The following HENMT1 variants were observed in gnomAD, a reference collection of about 807,000 sequenced individuals.
HENMT1 encodes HEN methyltransferase 1.
Under a neutral mutation model 31.1 loss-of-function variants are expected in HENMT1, and 27 were observed. The observed-to-expected ratio is 0.87, with a 90% CI of 0.64 to 1.20. The LOEUF (loss-of-function observed/expected upper bound fraction) is 1.20. HENMT1 is among the 50% of genes most tolerant of loss of function. HENMT1 has a pLI of 0.00. For missense variants in HENMT1, 438 were observed against 469.6 expected, an observed-to-expected ratio of 0.93 and a Z score of 0.62; for synonymous variants, 167 against 172.2, an observed-to-expected ratio of 0.97 and a Z score of 0.24.
At position 108,648,754 on chromosome 1, in the gene HENMT1, G is replaced by C. The variant is rs776921703; in HGVS notation, c.994C>G (p.Pro332Ala). 2.5e-6 allele frequency: 4 copies of C among 1,614,208 alleles called. No homozygotes were observed. The highest frequency in any genetic ancestry group is 3.4e-6 in the Non-Finnish European group (4 of 1,180,046). The change falls in exon 8 of 8, where the codon CCC becomes GCC. Residue 332 changes from proline to alanine, a missense_variant. Transcript: ENST00000651461. ...AAAAATTTATCTCCAACACAGAAGGGTGTGGGAGAGTTCTCTATCTTGGCC... is the reference window on the plus strand; with the variant it reads ...AAAAATTTATCTCCAACACAGAAGGCTGTGGGAGAGTTCTCTATCTTGGCC... The part of the protein sequence containing the change: ...EKAKIENSPT[P>A]FCVGDKFFVP...
chr1:108,659,942 A>G lies in HENMT1; in HGVS notation c.-58T>C. On this transcript the variant is annotated 5_prime_UTR_variant, in exon 2 of 8. Coordinates refer to ENST00000651461, the MANE Select transcript of HENMT1 (RefSeq NM_001102592.2). ...AGATTTATCCTTCAAGCTCTATTTG[A>G]GAGAATCAGCACTGACTCAGCTGTA... 1.3e-6 allele frequency: 2 copies of G among 1,564,260 alleles called. No homozygotes were observed. The highest frequency in any genetic ancestry group is 1.9e-5 in the Admixed American group (1 of 51,448).
At position 108,649,003 on chromosome 1, in the gene HENMT1, A is replaced by T; in HGVS notation, c.757-12T>A. The T allele has an allele frequency of 6.4e-7, 1 of 1,556,992 alleles. No homozygotes were observed. Among genetic ancestry groups the T allele is most frequent in the Non-Finnish European group, 8.7e-7 (1 of 1,152,966 alleles). ...GAGGTGGTAAAAACCTGAAGGGAAA[A>T]AACAAAACACTTACAAGTGTATAAT... On this transcript the variant is annotated splice_polypyrimidine_tract_variant and intron_variant, in intron 7 of 7. Coordinates refer to ENST00000651461, the MANE Select transcript of HENMT1 (RefSeq NM_001102592.2).
At chr1:108,661,119 CGCTACCGCCGCG>C (rs1455950884), upstream of HENMT1, 2 of 498,214 alleles carry the variant, frequency 4.0e-6, no homozygotes, top group Middle Eastern at 1.0e-3. Context: ...CGCTGCGTGA[CGCTACCGCCGCG>C]GCTACGCCGG....
At position 108,661,083 on chromosome 1, in the gene HENMT1, C is replaced by T; in HGVS notation, c.-199G>A. ...CGCCAGCGTCCTCAACTCAGCGCCG[C>T]CCTGACGCCCGCGCACGCACGGCCT... On this transcript the variant is annotated 5_prime_UTR_variant, in exon 1 of 8. Coordinates refer to ENST00000651461, the MANE Select transcript of HENMT1 (RefSeq NM_001102592.2). 1 of 791,454 alleles carries T rather than the reference C, an allele frequency of 1.3e-6. No individual in the cohort carries two copies. The highest frequency in any genetic ancestry group is 1.5e-6 in the Non-Finnish European group (1 of 653,074). The allele number at this position is 791,454 out of a possible 1,614,324, so 49.0% of individuals were successfully genotyped here. A position where few individuals can be genotyped will look rare whatever the true frequency, so the allele number is the denominator to read the frequency against.
intron 7 of HENMT1, 41 bp from the exon 8 acceptor site, chr1:108,649,032 A>G (rs544775858): frequency 1.4e-6 from 2 of 1,452,444 alleles, no homozygotes; most frequent in Non-Finnish European, 1.8e-6. Context: ...GTATAATAAT[A>G]TAAACATACA....
rs745746316 is a variant in HENMT1, at chr1:108,657,530, G to A, written c.71C>T (p.Ala24Val). ...GTATAGTGGAGGTTTAAACTGAATTGCCGTCTCCCTGGGAACTTCTTCAAA... is the reference window on the plus strand; with the variant it reads ...GTATAGTGGAGGTTTAAACTGAATTACCGTCTCCCTGGGAACTTCTTCAAA... ...GNFEEVPRET[A>V]IQFKPPLYRQ... is the part of the protein sequence containing the mutation. The change falls in exon 3 of 8, where the codon GCA (alanine) becomes GTA (valine). Residue 24 changes from alanine (A) to valine (V), a missense_variant. Transcript: ENST00000651461. The A allele has an allele frequency of 2.5e-6, 4 of 1,612,950 alleles. No individual in the cohort carries two copies. Among genetic ancestry groups the A allele is most frequent in the Non-Finnish European group, 3.4e-6 (4 of 1,179,168 alleles).
chr1:108,656,882 T>C (rs963158276), intron 3 of HENMT1, among the ~76,000 whole-genome samples: 8 of 152,170 alleles, frequency 5.3e-5, no homozygotes, highest in African/African-American at 1.2e-4. Context: ...AACTATAAAA[T>C]CTTAAGATTT....
intron 5 of HENMT1, 65 bp downstream of exon 5, chr1:108,654,651 G>C (rs1378863096): frequency 6.6e-7 from 1 of 1,513,168 alleles, no homozygotes; most frequent in East Asian, 2.3e-5. Flanking sequence ...AGGACACTAA[G>C]ATCACTGAGA....
At chr1:108,658,133 A>ATT (rs796291842) in intron 2 of HENMT1, among the ~76,000 whole-genome samples, 8,031 of 134,122 alleles carry the variant, frequency 0.06, 405 homozygotes, top group East Asian at 0.14. Context: ...ATATATATAT[A>ATT]TTTTTTTTTT....
At chr1:108,651,973 T>C (rs562482137) in intron 5 of HENMT1, among the ~76,000 whole-genome samples, 1 of 152,196 alleles carries the variant, frequency 6.6e-6, no homozygotes, top group Non-Finnish European at 1.5e-5. Context: ...TTGTCAAAAA[T>C]GCATGCCCTG....
intron 7 of HENMT1, chr1:108,649,416 C>T (rs1557737829): frequency 2.2e-6 from 1 of 456,208 alleles, no homozygotes; most frequent in East Asian, 7.0e-5. Context: ...GCCTGGGCAA[C>T]ATAGTGAGAC....
At chr1:108,657,606 G>A in intron 2 of HENMT1, 27 bp from the exon 3 acceptor site, 1 of 1,597,274 alleles carries the variant, frequency 6.3e-7, no homozygotes. Context: ...AAAAAAGACA[G>A]GTTCTAAATC....
intron 3 of HENMT1, 76 bp downstream of exon 3, chr1:108,657,375 A>C: frequency 9.5e-7 from 1 of 1,055,618 alleles, no homozygotes; most frequent in Non-Finnish European, 1.4e-6. Context: ...CTCCATACTA[A>C]TCCATTTGAC....
chr1:108,650,060 G>T, intron 7 of HENMT1, 151 bp downstream of exon 7: 1 of 747,928 alleles, frequency 1.3e-6, no homozygotes, highest in Non-Finnish European at 2.4e-6. Flanking sequence ...AACTCGGACA[G>T]TAGTCATGGG....
rs773761705 is a variant in HENMT1, at chr1:108,654,697, G to T, written c.398+19C>A. The T allele has an allele frequency of 5.0e-6, 8 of 1,612,318 alleles. No homozygotes were observed. The highest frequency in any genetic ancestry group is 6.8e-6 in the Non-Finnish European group (8 of 1,178,524). ...CTTTTCAAATGAACAGTTATACAGT[G>T]TATCAGTTTAAAACTTACAATTCAA... On this transcript the variant is annotated intron_variant, in intron 5 of 7. Coordinates refer to ENST00000651461, the MANE Select transcript of HENMT1 (RefSeq NM_001102592.2).
chr1:108,657,318 T>C (rs1329764885), intron 3 of HENMT1, 133 bp downstream of exon 3: 3 of 613,388 alleles, frequency 4.9e-6, no homozygotes, highest in African/African-American at 1.9e-5. Context: ...CTGCAGATCT[T>C]GTGGTTACGG....
In HENMT1 at chr1:108,651,098, C is replaced by G. The variant is rs762117972; in HGVS notation, c.510G>C (p.Leu170=). The change falls in exon 6 of 8, where the codon CTG becomes CTC. Residue 170 remains leucine (L), a synonymous_variant. Transcript: ENST00000651461. ...AATCTCTTAAGGTCACTGATGGAAACAGGGGATTGAATTCAGAGTTTGGTG... is the reference window on the plus strand; with the variant it reads ...AATCTCTTAAGGTCACTGATGGAAAGAGGGGATTGAATTCAGAGTTTGGTG... ...ISTPNSEFNP[L]FPSVTLRDSD... is the part of the protein sequence containing the mutation. 113 of 1,613,804 alleles carry G rather than the reference C, an allele frequency of 7.0e-5. No individual in the cohort carries two copies. The highest frequency in any genetic ancestry group is 4.8e-4 in the Admixed American group (29 of 60,004).
intron 7 of HENMT1, 172 bp downstream of exon 7, chr1:108,650,039 C>CTCTCAAAGGCTA (rs1658001443): frequency 2.8e-6 from 2 of 706,974 alleles, no homozygotes; most frequent in Admixed American, 4.0e-5. Flanking sequence ...TCTCAAAGGA[C>CTCTCAAAGGCTA]ACCGTAGGCT....
intron 7 of HENMT1, 126 bp downstream of exon 7, chr1:108,650,084 TC>T: frequency 1.2e-6 from 1 of 844,832 alleles, no homozygotes; most frequent in Non-Finnish European, 2.0e-6. Flanking sequence ...TGAAGAATTC[TC>T]CTAGAGTGAA....
Sources: gnomAD v4.1 joint callset for allele counts (sites outside exome capture counted in the v4.1 genomes callset) on GRCh38, gnomAD v4.1.1 for gene constraint, MANE v1.5 for transcripts, NCBI Gene and HGNC (gene_info 2026-07-23, HGNC 2026-07-21) for gene names.